The following PLXNB3 variants were observed in gnomAD, a reference collection of about 807,000 sequenced individuals.
PLXNB3 encodes the protein plexin B3, also known as plexin-B3.
Under a neutral mutation model 125.7 loss-of-function variants are expected in PLXNB3, and 80 were observed. The observed-to-expected ratio is 0.64, with a 90% CI of 0.53 to 0.77. The LOEUF is 0.77. Among genes scored for constraint, PLXNB3 ranks in the 30% least tolerant of loss-of-function variants. The probability of loss-of-function intolerance (pLI) is 0.00; values close to 1 mark genes in which losing one functional copy is unlikely to be tolerated. For missense variants in PLXNB3, 1,836 were observed against 1,729.3 expected, an observed-to-expected ratio of 1.06 and a Z score of -1.09; for synonymous variants, 954 against 783.3, an observed-to-expected ratio of 1.22 and a Z score of -3.64.
Position 153,770,757 on chromosome X carries a change from G to C in PLXNB3, c.2011-1G>C, listed in dbSNP as rs1603245240. 1 of 1,204,719 alleles carries C rather than the reference G, an allele frequency of 8.3e-7. No individual in the cohort carries two copies. Among genetic ancestry groups the C allele is most frequent in the Non-Finnish European group, 1.1e-6 (1 of 890,528 alleles). ...AGGGCTGAGGGCTCTTGTTTTCCCAGGTGGACATCCAGGTGCGTGGCCCAG... is the reference window on the plus strand; with the variant it reads ...AGGGCTGAGGGCTCTTGTTTTCCCACGTGGACATCCAGGTGCGTGGCCCAG... On this transcript the variant is annotated splice_acceptor_variant, in intron 10 of 35. Transcript: ENST00000361971. LOFTEE classifies it high-confidence loss of function.
At chrX:153,766,421 G>A in intron 2 of PLXNB3, 1 of 1,075,260 alleles carries the variant, frequency 9.3e-7, no homozygotes, top group Non-Finnish European at 1.2e-6. Flanking sequence ...TGGGCGCAGG[G>A]GCGCGCTGTG....
intron 6 of PLXNB3, 46 bp from the exon 7 acceptor site, chrX:153,769,760 TG>T: frequency 8.5e-7 from 1 of 1,171,072 alleles, no homozygotes; most frequent in East Asian, 3.1e-5. Context: ...CGGTCATCCT[TG>T]GAGTCTAGGA....
rs188355391 is a variant in PLXNB3 at position 153,770,461 on chromosome X, C to T, written c.1895+15C>T. On this transcript the variant is annotated intron_variant, in intron 9 of 35. Transcript: ENST00000361971. ...GCGGCTGCCCCGTGAGTCCCTGGGCCTGCCTCCTGGGGTAGGGGTGGCGAC... is the reference window on the plus strand; with the variant it reads ...GCGGCTGCCCCGTGAGTCCCTGGGCTTGCCTCCTGGGGTAGGGGTGGCGAC... The T allele has an allele frequency of 4.0e-4, 479 of 1,200,791 alleles. 2 individuals carry two copies. The African/African-American group carries it at 7.4e-3, about 19-fold the overall frequency.
chrX:153,769,822 C>T lies in PLXNB3; in HGVS notation c.1512C>T (p.Gly504=), dbSNP rs782210377. ...TGCCTGGCAGGTGTACCCGGAAGGG[C>T]CAGTGCGGGCGGGCAGGCCAGCTGA... ...CVLQGRCTRK[G]QCGRAGQLNQ... The change falls in exon 7 of 36, where the codon GGC becomes GGT. Residue 504 remains glycine, a synonymous_variant. Transcript: ENST00000361971. 12 of 1,202,584 alleles carry T rather than the reference C, an allele frequency of 1.0e-5. No homozygotes were observed. Among genetic ancestry groups the T allele is most frequent in the Admixed American group, 2.2e-5 (1 of 45,291 alleles).
At position 153,772,866 on chromosome X, in the gene PLXNB3, C is replaced by T. The variant is rs782574312; in HGVS notation, c.2776-20C>T. The T allele has an allele frequency of 3.7e-6, 4 of 1,093,636 alleles. No homozygotes were observed. The East Asian group carries it at 1.4e-4, about 37-fold the overall frequency. The allele number at this position is 1,093,636 out of a possible 1,213,427, so 90.1% of individuals were successfully genotyped here. On this transcript the variant is annotated intron_variant, in intron 16 of 35. Coordinates refer to ENST00000361971, the MANE Select transcript of PLXNB3 (RefSeq NM_005393.3). ...GCCAGGCTGGGCTGCCGTGCCTACC[C>T]AGCCTGCGCTGTTCGCCAGGACCCT...
rs782437849 is a variant in PLXNB3, at chrX:153,774,964, G to A, written c.4016G>A (p.Arg1339His). ...PFLDYRTYAE[R>H]AFFPGHGGCP... ...CTGGACTACCGCACCTACGCCGAGC[G>A]CGCCTTCTTCCCTGGCCATGGCGGT... The change falls in exon 24 of 36, where the codon CGC becomes CAC. Residue 1339 changes from arginine (R) to histidine (H), a missense_variant. By Grantham distance (29) the Arg-to-His change is conservative (BLOSUM62 0). Transcript: ENST00000361971. 3.4e-5 allele frequency: 41 copies of A among 1,193,465 alleles called. No individual in the cohort carries two copies. Among genetic ancestry groups the A allele is most frequent in the East Asian group, 2.7e-4 (9 of 33,592 alleles).
intron 1 of PLXNB3, among the ~76,000 whole-genome samples, chrX:153,764,650 A>T (rs1340487752): frequency 1.8e-5 from 2 of 112,841 alleles, no homozygotes; most frequent in Non-Finnish European, 3.8e-5. Context: ...CTTGCCCTGG[A>T]GCCTACTGCT....
rs782168751 is a variant in PLXNB3, at chrX:153,769,154, C to T, written c.1396-8C>T. ...GCCCATTGCCTCTCTGCTCTGCTGC[C>T]CCTCCAGGTGGACCGGATACCTGTG... On this transcript the variant is annotated splice_region_variant and splice_polypyrimidine_tract_variant and intron_variant, in intron 5 of 35. Coordinates refer to ENST00000361971, the MANE Select transcript of PLXNB3 (RefSeq NM_005393.3). 4.2e-6 allele frequency: 5 copies of T among 1,194,371 alleles called. No homozygotes were observed. The highest frequency in any genetic ancestry group is 6.1e-5 in the East Asian group (2 of 32,982).
intron 2 of PLXNB3, chrX:153,766,603 C>G (rs781862165): frequency 9.5e-7 from 1 of 1,054,682 alleles, no homozygotes; most frequent in South Asian, 2.8e-5. Context: ...TGAAAGAATT[C>G]TGTCCTTGTG....
intron 33 of PLXNB3, 26 bp from the exon 34 acceptor site, chrX:153,778,370 A>AC: frequency 1.7e-6 from 2 of 1,208,163 alleles, no homozygotes; most frequent in Non-Finnish European, 1.1e-6. Context: ...GGGCTGCCCC[A>AC]CCCCTAACGA....
intron 2 of PLXNB3, chrX:153,765,808 G>A (rs2091851316): frequency 1.3e-5 from 10 of 753,051 alleles, no homozygotes; most frequent in Admixed American, 1.7e-4. Flanking sequence ...GAGTCGCAGC[G>A]GCCCCACTCC....
At chrX:153,773,095 T>C (rs1436745720) in intron 17 of PLXNB3, 79 bp downstream of exon 17, 5 of 1,076,708 alleles carry the variant, frequency 4.6e-6, no homozygotes, top group Non-Finnish European at 6.2e-6. Context: ...AGAGAAGTGG[T>C]TGCTGTGGCC....
intron 2 of PLXNB3, chrX:153,766,322 A>C (rs1011899615): frequency 8.7e-7 from 1 of 1,154,391 alleles, no homozygotes; most frequent in Non-Finnish European, 1.2e-6. Context: ...CTGGCTGCCC[A>C]AGGCAGGTTT....
At chrX:153,776,313 G>A (rs782338070) in intron 27 of PLXNB3, 43 bp from the exon 28 acceptor site, 153 of 1,097,298 alleles carry the variant, frequency 1.4e-4, no homozygotes, top group Non-Finnish European at 1.8e-4. Flanking sequence ...TGTGGGGCGT[G>A]GAGAGCAGGC....
At position 153,774,968 on chromosome X, in the gene PLXNB3, C is replaced by T. The variant is rs374178254; in HGVS notation, c.4020C>T (p.Ala1340=). Reference sequence around the variant, plus strand: ...ACTACCGCACCTACGCCGAGCGCGCCTTCTTCCCTGGCCATGGCGGTTGCC... The same window carrying T: ...ACTACCGCACCTACGCCGAGCGCGCTTTCTTCCCTGGCCATGGCGGTTGCC... ...FLDYRTYAER[A]FFPGHGGCPL... is the part of the protein sequence containing the mutation. The change falls in exon 24 of 36, where the codon GCC becomes GCT. Residue 1340 remains alanine (A), a synonymous_variant. Coordinates refer to ENST00000361971, the MANE Select transcript of PLXNB3 (RefSeq NM_005393.3). The T allele has an allele frequency of 2.5e-6, 3 of 1,194,803 alleles. No individual in the cohort carries two copies. The highest frequency in any genetic ancestry group is 3.4e-6 in the Non-Finnish European group (3 of 886,388).
chrX:153,778,468 C>T lies in PLXNB3; in HGVS notation c.5547C>T (p.Ser1849=), dbSNP rs781782814. 2.9e-5 allele frequency: 35 copies of T among 1,207,982 alleles called. No individual in the cohort carries two copies. Among genetic ancestry groups the T allele is most frequent in the Middle Eastern group, 2.3e-4 (1 of 4,368 alleles). The change falls in exon 34 of 36, where the codon TCC becomes TCT. Residue 1849 remains serine, a synonymous_variant. Transcript: ENST00000361971. ...TGAACTCTGCTTTGGCTGAGCTCTC[C>T]GGGGTGAGGCATGGCCCGGGGGGTG... The part of the protein sequence containing the change: ...QEMNSALAEL[S]GNYTSAPHCL...
rs782021262 is a variant in PLXNB3, at chrX:153,778,413, G to A, written c.5492G>A (p.Arg1831His). Reference sequence around the variant, plus strand: ...TCCTCCAGGTACTATGCGGACATTCGCCAGAGCTCTCCGGCGAGCTACCAG... The same window carrying A: ...TCCTCCAGGTACTATGCGGACATTCACCAGAGCTCTCCGGCGAGCTACCAG... ...QMVERYYADIRQSSPASYQEM... is the reference protein window; with the variant it reads ...QMVERYYADIHQSSPASYQEM... The change falls in exon 34 of 36, where the codon CGC becomes CAC. Residue 1831 changes from arginine to histidine, a missense_variant. Transcript: ENST00000361971. 5.5e-5 allele frequency: 67 copies of A among 1,209,821 alleles called. No individual in the cohort carries two copies. The highest frequency in any genetic ancestry group is 7.3e-5 in the Non-Finnish European group (65 of 895,126).
chrX:153,774,255 G>C lies in PLXNB3; in HGVS notation c.3589G>C (p.Val1197Leu). Residue 1197 changes from valine to leucine, a missense_variant, in exon 21 of 36, where the codon GTG becomes CTG. Val to Leu is a conservative substitution (Grantham distance 32). Coordinates refer to ENST00000361971, the MANE Select transcript of PLXNB3 (RefSeq NM_005393.3). ...GCACATCGGCCGCGGCGAGTGCCTG[G>C]TGAAGACGCTCACGCGCACCCACCT... ...RVHIGRGECL[V>L]KTLTRTHLYC... is the part of the protein sequence containing the mutation. 1 of 1,191,292 alleles carries C rather than the reference G, an allele frequency of 8.4e-7. No individual in the cohort carries two copies. The highest frequency in any genetic ancestry group is 1.1e-6 in the Non-Finnish European group (1 of 889,484).
rs1557064222 is a variant in PLXNB3, at chrX:153,776,361, C to T, written c.4735C>T (p.Arg1579Cys). The T allele has an allele frequency of 5.0e-6, 6 of 1,188,920 alleles. No individual in the cohort carries two copies. Among genetic ancestry groups the T allele is most frequent in the Middle Eastern group, 2.3e-4 (1 of 4,312 alleles). Reference protein sequence around the residue: ...PSVHALDLEWRSGLAGHLTLS... With the variant: ...PSVHALDLEWCSGLAGHLTLS... ...GCTTCCCTGACTCCCTCCAGAGTGG[C>T]GCTCAGGCCTGGCTGGTCACCTGAC... Residue 1579 changes from arginine to cysteine, a missense_variant, in exon 28 of 36, where the codon CGC becomes TGC. By Grantham distance (180) the Arg-to-Cys change is radical. Coordinates refer to ENST00000361971, the MANE Select transcript of PLXNB3 (RefSeq NM_005393.3).
Sources: allele counts gnomAD v4.1 joint callset (sites outside exome capture counted in the v4.1 genomes callset), GRCh38; gene constraint gnomAD v4.1.1; transcripts MANE v1.5; gene names NCBI Gene and HGNC (gene_info 2026-07-23, HGNC 2026-07-21).